CHL1: variants seen among roughly 807,000 people sequenced by gnomAD.
CHL1 encodes neural cell adhesion molecule L1-like protein.
A neutral mutation model predicts 141.9 loss-of-function variants in CHL1; 96 were observed. The ratio of observed to expected loss-of-function variants is 0.68; its 90% CI spans 0.57 to 0.80. The LOEUF (loss-of-function observed/expected upper bound fraction) is 0.80, where lower values mean the gene tolerates loss of function less well. Ranked by LOEUF, CHL1 falls within the 30% of genes least tolerant of loss-of-function variation. The pLI is 0.00. For missense variants in CHL1, 1,820 were observed against 1,457.2 expected (o/e 1.25, Z -4.05); for synonymous variants, 613 against 502.2 (o/e 1.22, Z -2.95).
At chr3:378,172 A>G (rs1706578067) in intron 16 of CHL1, among the ~76,000 whole-genome samples, 1 of 152,296 alleles carries the variant, frequency 6.6e-6, no homozygotes, top group East Asian at 1.9e-4. Context: ...TGCCAATAGC[A>G]GTGGGAGGTA....
At chr3:345,297 C>T (rs1174671554) in intron 9 of CHL1, among the ~76,000 whole-genome samples, 1 of 150,610 alleles carries the variant, frequency 6.6e-6, no homozygotes, top group Admixed American at 6.6e-5. Context: ...AAATCTGCTG[C>T]TTTGCAGGTT....
chr3:208,939 T>G (rs1197731651), intron 1 of CHL1, among the ~76,000 whole-genome samples: 1 of 152,204 alleles, frequency 6.6e-6, no homozygotes, highest in Non-Finnish European at 1.5e-5. Context: ...GTGTAAATAT[T>G]TCTCACGTAT....
At chr3:402,002 T>A (rs1297487039) in intron 27 of CHL1, among the ~76,000 whole-genome samples, 2 of 152,292 alleles carry the variant, frequency 1.3e-5, no homozygotes, top group East Asian at 3.9e-4. Flanking sequence ...AGCATGGCCA[T>A]TATGAACTCG....
chr3:366,103 C>T lies in CHL1; in HGVS notation c.1739C>T (p.Thr580Ile). The T allele has an allele frequency of 6.2e-7, 1 of 1,613,250 alleles. No homozygotes were observed. The highest frequency in any genetic ancestry group is 8.5e-7 in the Non-Finnish European group (1 of 1,179,582). ...GGAGAAGCCTTTGAAATTAATGGCACAGAAGATGGCAGGTAGGTAAACTAT... is the reference window on the plus strand; with the variant it reads ...GGAGAAGCCTTTGAAATTAATGGCATAGAAGATGGCAGGTAGGTAAACTAT... ...KDGEAFEING[T>I]EDGRIIIDGA... The change falls in exon 15 of 28, where the codon ACA becomes ATA. Residue 580 changes from threonine to isoleucine, a missense_variant. Transcript: ENST00000256509.
intron 1 of CHL1, among the ~76,000 whole-genome samples, chr3:202,857 T>C (rs191618008): frequency 7.9e-4 from 120 of 152,370 alleles, no homozygotes; most frequent in Non-Finnish European, 1.3e-3. Context: ...CAAATGTCTC[T>C]GTGAAGATGG....
chr3:249,794 T>C (rs1479433767), intron 2 of CHL1, among the ~76,000 whole-genome samples: 1 of 152,166 alleles, frequency 6.6e-6, no homozygotes, highest in African/African-American at 2.4e-5. Context: ...TAACCAGTTA[T>C]ATCAAGCCTT....
intron 20 of CHL1, 140 bp downstream of exon 20, chr3:389,614 A>G: frequency 1.5e-6 from 1 of 647,758 alleles, no homozygotes; most frequent in Non-Finnish European, 2.7e-6. Context: ...AACAAATATA[A>G]CACATGACTT....
chr3:399,106 A>G lies in CHL1; in HGVS notation c.3343A>G (p.Thr1115Ala), dbSNP rs1208064585. 1 of 1,609,524 alleles carries G rather than the reference A, an allele frequency of 6.2e-7. No homozygotes were observed. Among genetic ancestry groups the G allele is most frequent in the South Asian group, 1.1e-5 (1 of 90,978 alleles). ...TGCTCTTCTCACACTACTATTATTAACTGTTTGCTTTGTGAAGAGGAATAG... is the reference window on the plus strand; with the variant it reads ...TGCTCTTCTCACACTACTATTATTAGCTGTTTGCTTTGTGAAGAGGAATAG... ...AIALLTLLLL[T>A]VCFVKRNRGG... Residue 1115 changes from threonine to alanine, a missense_variant, in exon 26 of 28, where the codon ACT becomes GCT. Thr to Ala is a moderately conservative substitution (Grantham distance 58, BLOSUM62 0). Transcript: ENST00000256509.
At position 326,082 on chromosome 3, in the gene CHL1, C is replaced by G; in HGVS notation, c.197+18C>G. The G allele has an allele frequency of 2.0e-6, 3 of 1,489,440 alleles. No homozygotes were observed. Among genetic ancestry groups the G allele is most frequent in the Non-Finnish European group, 2.8e-6 (3 of 1,069,670 alleles). 92.3% of individuals were successfully genotyped at this position (1,489,440 alleles called of 1,614,324 possible). A position where few individuals can be genotyped will look rare whatever the true frequency, so the allele number is the denominator to read the frequency against. On this transcript the variant is annotated intron_variant, in intron 4 of 27. Coordinates refer to ENST00000256509, the MANE Select transcript of CHL1 (RefSeq NM_006614.4). ...GAACCAACGTGAGTATTGTTTCAAA[C>G]GAAGTGGTTCTTTAAATGCGTGCTG...
At chr3:261,105 C>A (rs1694677593) in intron 2 of CHL1, among the ~76,000 whole-genome samples, 1 of 152,158 alleles carries the variant, frequency 6.6e-6, no homozygotes, top group South Asian at 2.1e-4. Context: ...GTCAGAAGGG[C>A]ACACCCTATG....
intron 6 of CHL1, among the ~76,000 whole-genome samples, chr3:341,465 G>A (rs1249663494): frequency 6.6e-6 from 1 of 152,192 alleles, no homozygotes; most frequent in Non-Finnish European, 1.5e-5. Context: ...GCTGCAACCA[G>A]AACAGGGAGA....
chr3:337,522 C>A (rs995016775), intron 5 of CHL1, among the ~76,000 whole-genome samples: 5 of 151,264 alleles, frequency 3.3e-5, no homozygotes, highest in Non-Finnish European at 7.4e-5. Context: ...CCCTCTCCCC[C>A]CACCCCACAA....
At chr3:380,724 A>T (rs1270689074) in intron 16 of CHL1, among the ~76,000 whole-genome samples, 1 of 152,238 alleles carries the variant, frequency 6.6e-6, no homozygotes, top group African/African-American at 2.4e-5. Context: ...ATCAATAATG[A>T]TAAAAATCCA....
chr3:349,283 A>G, intron 9 of CHL1, 76 bp from the exon 10 acceptor site: 2 of 1,253,330 alleles, frequency 1.6e-6, no homozygotes, highest in Non-Finnish European at 1.1e-6. Flanking sequence ...CTGATAAAGG[A>G]TGTGTCCTAA....
intron 2 of CHL1, among the ~76,000 whole-genome samples, chr3:259,388 G>C (rs1694495104): frequency 6.6e-6 from 1 of 151,904 alleles, no homozygotes; most frequent in Non-Finnish European, 1.5e-5. Context: ...AATACGAACA[G>C]TTAAACATAA....
At chr3:209,076 A>G (rs1044049835) in intron 1 of CHL1, among the ~76,000 whole-genome samples, 2 of 152,236 alleles carry the variant, frequency 1.3e-5, no homozygotes, top group Admixed American at 6.5e-5. Context: ...AGGTATTCAA[A>G]TGCTAGGCCA....
intron 2 of CHL1, among the ~76,000 whole-genome samples, chr3:317,587 T>C (rs1165801450): frequency 6.7e-6 from 1 of 150,170 alleles, no homozygotes; most frequent in Admixed American, 6.6e-5. Flanking sequence ...AAATAATAAC[T>C]AGATTGCAAG....
intron 10 of CHL1, 102 bp from the exon 11 acceptor site, chr3:354,538 G>GC: frequency 7.6e-7 from 1 of 1,311,472 alleles, no homozygotes; most frequent in Non-Finnish European, 1.0e-6. Flanking sequence ...ACCCTTTGTG[G>GC]TGTCTGCCCT....
chr3:279,069 T>C, intron 2 of CHL1, among the ~76,000 whole-genome samples: 1 of 152,224 alleles, frequency 6.6e-6, no homozygotes, highest in Non-Finnish European at 1.5e-5. Flanking sequence ...TTCAGAATGA[T>C]GCCGGATATT....
Sources: allele counts gnomAD v4.1 joint callset (sites outside exome capture counted in the v4.1 genomes callset), GRCh38; gene constraint gnomAD v4.1.1; transcripts MANE v1.5; gene names NCBI Gene and HGNC (gene_info 2026-07-23, HGNC 2026-07-21).